The following PSD3 variants were observed in gnomAD, a reference collection of about 807,000 sequenced individuals.
The protein encoded by PSD3 is PH and SEC7 domain-containing protein 3.
PSD3 carries 49 observed loss-of-function variants against 105.5 expected under a neutral mutation model. That is an observed-to-expected ratio of 0.46 (90% CI 0.37 to 0.59). The LOEUF is 0.59. Among genes scored for constraint, PSD3 ranks in the 20% least tolerant of loss-of-function variants. The pLI, the probability that PSD3 is intolerant of heterozygous loss-of-function variation, is 0.00. For missense variants in PSD3, 1,561 were observed against 1,263.8 expected, an observed-to-expected ratio of 1.24 and a Z score of -3.57; for synonymous variants, 557 against 457.8, an observed-to-expected ratio of 1.22 and a Z score of -2.77.
rs1335938811 is a variant in PSD3 at position 18,691,395 on chromosome 8, G to GC, written c.2173-35711dup. Among the ~76,000 whole-genome samples, 5 of 152,286 alleles carry GC rather than the reference G, an allele frequency of 3.3e-5. No individual in the cohort carries two copies. The East Asian group carries it at 9.7e-4, about 29-fold the overall frequency. On this transcript the variant is annotated intron_variant, in intron 9 of 15. Coordinates refer to ENST00000327040, the MANE Select transcript of PSD3 (RefSeq NM_015310.4). ...CACTTAACTCTGTATAGCTGACAAT[G>GC]CCACAGTCAGCTCAGACCTTTCCAA...
chr8:18,813,826 A>T (rs1486877658), intron 4 of PSD3, among the ~76,000 whole-genome samples: 1 of 152,202 alleles, frequency 6.6e-6, no homozygotes, highest in African/African-American at 2.4e-5. Flanking sequence ...TGAAGATGAG[A>T]TGAGAAGATC....
chr8:18,540,225 G>A (rs567188909), intron 15 of PSD3, among the ~76,000 whole-genome samples: 1 of 152,106 alleles, frequency 6.6e-6, no homozygotes, highest in Non-Finnish European at 1.5e-5. Context: ...TTAAAATTAA[G>A]GTACATACAT....
chr8:18,845,062 T>C (rs1468277344), intron 4 of PSD3, among the ~76,000 whole-genome samples: 2 of 152,142 alleles, frequency 1.3e-5, no homozygotes, highest in African/African-American at 4.8e-5. Flanking sequence ...GGGGATAAAA[T>C]TTTAACTTGA....
At chr8:19,011,335 A>G (rs1381883775) in intron 1 of PSD3, among the ~76,000 whole-genome samples, 3 of 152,218 alleles carry the variant, frequency 2.0e-5, no homozygotes, top group African/African-American at 7.2e-5. Context: ...GAATTTCTAT[A>G]AAAGAAAAAA....
chr8:18,921,824 G>A (rs975537128), intron 2 of PSD3, among the ~76,000 whole-genome samples: 1 of 152,194 alleles, frequency 6.6e-6, no homozygotes, highest in Non-Finnish European at 1.5e-5. Context: ...CAAGGTATGA[G>A]AACACAGGAG....
chr8:19,045,745 G>A (rs549258647), intron 1 of PSD3, among the ~76,000 whole-genome samples: 1 of 152,234 alleles, frequency 6.6e-6, no homozygotes, highest in African/African-American at 2.4e-5. Flanking sequence ...AAACCAGCTA[G>A]TGTTGGGAGG....
intron 1 of PSD3, among the ~76,000 whole-genome samples, chr8:19,074,003 G>A (rs28375659): frequency 0.054 from 8,179 of 152,014 alleles, 715 homozygotes; most frequent in African/African-American, 0.18. Context: ...TGTTAGCCAG[G>A]ATGGTCTCGA....
rs77574334 is a variant in PSD3 at position 18,586,953 on chromosome 8, C to G, written c.2482-11668G>C. On this transcript the variant is annotated intron_variant, in intron 12 of 15. Coordinates refer to ENST00000327040, the MANE Select transcript of PSD3 (RefSeq NM_015310.4). ...AAGGATAGACGCCGGATCCTGGGAT[C>G]TTTGCATCCCCATCTCTGGCAAAGC... Among the ~76,000 whole-genome samples the G allele has an allele frequency of 3.3e-5, 5 of 152,280 alleles. No homozygotes were observed. In the East Asian group the frequency reaches 5.8e-4, roughly 18 times the overall value.
intron 9 of PSD3, among the ~76,000 whole-genome samples, chr8:18,675,874 TA>T (rs556885396): frequency 6.6e-6 from 1 of 152,084 alleles, no homozygotes; most frequent in East Asian, 1.9e-4. Context: ...GATGAGTAAA[TA>T]AAAAATATTT....
chr8:18,818,441 G>A (rs1385325168), intron 4 of PSD3, among the ~76,000 whole-genome samples: 1 of 151,860 alleles, frequency 6.6e-6, no homozygotes, highest in Non-Finnish European at 1.5e-5. Context: ...CCTGTAAGGC[G>A]AGGAGGGTGA....
chr8:18,736,386 C>G (rs1804154250), intron 9 of PSD3, among the ~76,000 whole-genome samples: 1 of 152,104 alleles, frequency 6.6e-6, no homozygotes, highest in South Asian at 2.1e-4. Flanking sequence ...TAGAATAATG[C>G]CTGGCACACC....
At position 19,051,001 on chromosome 8, in the gene PSD3, T is replaced by G. The variant is rs551230757; in HGVS notation, c.324+33205A>C. On this transcript the variant is annotated intron_variant, in intron 1 of 1. Coordinates refer to the PSD3 transcript ENST00000521475. ...GCTTAAGATCTGTAGGCTCATAGGA[T>G]TTGATGTTAAGACATATGACTCCAG... Among the ~76,000 whole-genome samples the G allele has an allele frequency of 3.9e-5, 6 of 152,186 alleles. No homozygotes were observed. The South Asian group carries it at 1.0e-3, about 26-fold the overall frequency.
intron 2 of PSD3, among the ~76,000 whole-genome samples, chr8:18,913,122 CACT>C (rs1820358853): frequency 2.2e-5 from 3 of 137,698 alleles, no homozygotes; most frequent in South Asian, 2.4e-4. Flanking sequence ...CACACACACA[CACT>C]CTCCTTCTCC....
chr8:18,750,974 G>C (rs1235371603), intron 9 of PSD3, among the ~76,000 whole-genome samples: 1 of 152,104 alleles, frequency 6.6e-6, no homozygotes, highest in East Asian at 1.9e-4. Flanking sequence ...AGACCAGCTG[G>C]CTTCACCCAG....
chr8:18,949,331 T>C (rs7001149), intron 1 of PSD3, among the ~76,000 whole-genome samples: 46,314 of 127,020 alleles, frequency 0.36, 8,951 homozygotes, highest in Non-Finnish European at 0.39. Context: ...ACAAATTAAA[T>C]CAATGTTATT....
chr8:18,697,644 T>A (rs1309303628), intron 9 of PSD3, among the ~76,000 whole-genome samples: 1 of 152,160 alleles, frequency 6.6e-6, no homozygotes, highest in African/African-American at 2.4e-5. Context: ...TCTCTCCTCC[T>A]TTATCTTAAA....
chr8:19,023,921 A>C (rs1438525006), intron 1 of PSD3, among the ~76,000 whole-genome samples: 1 of 152,222 alleles, frequency 6.6e-6, no homozygotes, highest in Non-Finnish European at 1.5e-5. Flanking sequence ...GCTTTTTAGC[A>C]CAGCACTATG....
At chr8:18,666,533 A>T (rs1045633961) in intron 9 of PSD3, among the ~76,000 whole-genome samples, 1 of 152,248 alleles carries the variant, frequency 6.6e-6, no homozygotes, top group African/African-American at 2.4e-5. Context: ...TAGAACATTA[A>T]GTCCAAATGC....
At chr8:18,799,117 G>T (rs933921971) in intron 8 of PSD3, 178 bp downstream of exon 8, 2 of 587,268 alleles carry the variant, frequency 3.4e-6, no homozygotes, top group Non-Finnish European at 6.0e-6. Context: ...GTCATACTCT[G>T]TGCTAGCATG....
Sources: gnomAD v4.1 joint callset for allele counts (sites outside exome capture counted in the v4.1 genomes callset) on GRCh38, gnomAD v4.1.1 for gene constraint, MANE v1.5 for transcripts, NCBI Gene and HGNC (gene_info 2026-07-23, HGNC 2026-07-21) for gene names.